Variants in NSDHL observed in about 807,000 individuals in gnomAD.
The protein encoded by NSDHL is NAD(P) dependent 3-beta-hydroxysteroid dehydrogenase NSDHL.
A neutral mutation model predicts 23.0 loss-of-function variants in NSDHL; 1 was observed. That is an observed-to-expected ratio of 0.04 (90% CI 0.02 to 0.21). NSDHL has a LOEUF of 0.21. Among genes scored for constraint, NSDHL ranks in the 10% least tolerant of loss-of-function variants. The pLI is 1.00. For missense variants in NSDHL, 237 were observed against 300.9 expected, an observed-to-expected ratio of 0.79 and a Z score of 1.57; for synonymous variants, 128 against 121.1, an observed-to-expected ratio of 1.06 and a Z score of -0.37.
At chrX:152,846,767 G>A (rs1556845652) in intron 2 of NSDHL, among the ~76,000 whole-genome samples, 1 of 112,205 alleles carries the variant, frequency 8.9e-6, no homozygotes, top group African/African-American at 3.2e-5. Flanking sequence ...ACCTCTGGTA[G>A]TAACTGGTGG....
At chrX:152,865,231 A>G (rs1183532727) in intron 5 of NSDHL, among the ~76,000 whole-genome samples, 1 of 111,820 alleles carries the variant, frequency 8.9e-6, no homozygotes, top group Non-Finnish European at 1.9e-5. Flanking sequence ...AGGACTTTAC[A>G]TGTCTCGGCC....
At chrX:152,865,791 A>G in intron 5 of NSDHL, 28 bp from the exon 6 acceptor site, 2 of 1,210,754 alleles carry the variant, frequency 1.7e-6, no homozygotes, top group East Asian at 3.0e-5. Flanking sequence ...TTTGCAATGG[A>G]CGTGCCCCTT....
rs139186585 is a variant in NSDHL at position 152,868,887 on chromosome X, G to T, written c.893G>T (p.Trp298Leu). The stretch of plus-strand genomic sequence containing the variant: ...GCCCCCAAGTACCACATCCCCTACT[G>T]GGTGGCCTACTACCTGGCCCTCCTG... ...YEAPKYHIPY[W>L]VAYYLALLLS... Residue 298 changes from tryptophan to leucine, a missense_variant, in exon 8 of 8, where the codon TGG becomes TTG. By Grantham distance (61) the Trp-to-Leu change is moderately conservative. Coordinates refer to ENST00000370274, the MANE Select transcript of NSDHL (RefSeq NM_015922.3). 274 of 1,209,732 alleles carry T rather than the reference G, an allele frequency of 2.3e-4. 2 individuals carry two copies. The African/African-American group carries it at 4.0e-3, about 18-fold the overall frequency.
intron 1 of NSDHL, among the ~76,000 whole-genome samples, chrX:152,841,445 C>G (rs1223307191): frequency 8.9e-6 from 1 of 112,457 alleles, no homozygotes; most frequent in Non-Finnish European, 1.9e-5. Flanking sequence ...TTGGAATGAA[C>G]TGAGTTCACA....
intron 1 of NSDHL, among the ~76,000 whole-genome samples, chrX:152,836,832 C>A (rs1345808187): frequency 8.9e-6 from 1 of 112,082 alleles, no homozygotes; most frequent in Non-Finnish European, 1.9e-5. Flanking sequence ...TTTTCCAATT[C>A]TGTGAAGAAA....
At chrX:152,836,172 G>C (rs1302015520) in intron 1 of NSDHL, among the ~76,000 whole-genome samples, 11 of 112,180 alleles carry the variant, frequency 9.8e-5, no homozygotes, top group African/African-American at 2.9e-4. Flanking sequence ...TTGTAAATTT[G>C]TTTAAGTTCT....
chrX:152,869,069 A>G lies in NSDHL; in HGVS notation c.1075A>G (p.Met359Val). ...GCCACTAGTGACCATGGATGATGCT[A>G]TGGAGAGGACCGTGCAGAGCTTTCG... ...YQPLVTMDDA[M>V]ERTVQSFRHL... Residue 359 changes from methionine to valine, a missense_variant, in exon 8 of 8, where the codon ATG becomes GTG. Around this residue, in one of 3 missense-constraint regions of NSDHL, gnomAD observed 117 missense variants for 99.5 expected, o/e 1.18. Transcript: ENST00000370274. 1 of 1,212,237 alleles carries G rather than the reference A, an allele frequency of 8.2e-7. No individual in the cohort carries two copies.
intron 1 of NSDHL, among the ~76,000 whole-genome samples, chrX:152,832,961 C>T (rs1003909731): frequency 5.4e-5 from 6 of 111,512 alleles, no homozygotes; most frequent in Non-Finnish European, 9.4e-5. Context: ...TCTCTCCCAC[C>T]GCTGAGCAGC....
At chrX:152,835,295 CT>C (rs200736261) in intron 1 of NSDHL, among the ~76,000 whole-genome samples, 107 of 101,137 alleles carry the variant, frequency 1.1e-3, no homozygotes, top group Admixed American at 1.5e-3. Flanking sequence ...TCACATCTCT[CT>C]TTTTTTTTTT....
At position 152,867,712 on chromosome X, in the gene NSDHL, C is replaced by T. The variant is rs782711540; in HGVS notation, c.789+39C>T. The T allele has an allele frequency of 5.2e-6, 5 of 965,072 alleles. No individual in the cohort carries two copies. The East Asian group carries it at 1.5e-4, about 30-fold the overall frequency. The allele number at this position is 965,072 out of a possible 1,213,427, so 79.5% of individuals were successfully genotyped here. On this transcript the variant is annotated intron_variant, in intron 7 of 7. Transcript: ENST00000370274. ...CACCGGTCCCTGCACAGGTGCCTTTCTGCGGGTTTCTTCTCCTTGCCATTG... is the reference window on the plus strand; with the variant it reads ...CACCGGTCCCTGCACAGGTGCCTTTTTGCGGGTTTCTTCTCCTTGCCATTG...
Position 152,869,210 on chromosome X carries a change from C to T in NSDHL, c.*94C>T. 1 of 775,747 alleles carries T rather than the reference C, an allele frequency of 1.3e-6. No individual in the cohort carries two copies. Among genetic ancestry groups the T allele is most frequent in the African/African-American group, 2.0e-5 (1 of 49,038 alleles). The allele number at this position is 775,747 out of a possible 1,213,427, so 63.9% of individuals were successfully genotyped here. ...AAATAACATCCTTTGAATGAGTTTG[C>T]TCTGAGCCTGTGACTCCTTCTGCTA... On this transcript the variant is annotated 3_prime_UTR_variant, in exon 8 of 8. Transcript: ENST00000370274.
In NSDHL at chrX:152,867,607, G is replaced by C; in HGVS notation, c.723G>C (p.Glu241Asp). 8.3e-7 allele frequency: 1 copy of C among 1,210,628 alleles called. No homozygotes were observed. Among genetic ancestry groups the C allele is most frequent in the Non-Finnish European group, 1.1e-6 (1 of 894,225 alleles). ...GKNLVDFTFVENVVHGHILAA... is the reference protein window; with the variant it reads ...GKNLVDFTFVDNVVHGHILAA... ...ACTTGGTGGACTTCACCTTTGTGGA[G>C]AACGTGGTCCATGGACACATCCTGG... Residue 241 changes from glutamate to aspartate, a missense_variant, in exon 7 of 8, where the codon GAG becomes GAC. Glu to Asp is a conservative substitution (Grantham distance 45). Coordinates refer to ENST00000370274, the MANE Select transcript of NSDHL (RefSeq NM_015922.3).
rs104894904 is a variant in NSDHL at position 152,865,819 on chromosome X, G to A, written c.544G>A (p.Ala182Thr). Residue 182 changes from alanine (A) to threonine (T), a missense_variant and splice_region_variant, in exon 6 of 8, where the codon GCA becomes ACA. Transcript: ENST00000370274. ...TGCCCCTTCTCCCACTCTCCTCCAG[G>A]CAGTTCTGGGCGCCAACGATCCTGA... ...YTETKILQER[A>T]VLGANDPEKN... The A allele has an allele frequency of 8.3e-7, 1 of 1,211,351 alleles. No homozygotes were observed. The highest frequency in any genetic ancestry group is 1.8e-5 in the South Asian group (1 of 56,946).
chrX:152,868,559 C>T (rs190739081), intron 7 of NSDHL, among the ~76,000 whole-genome samples: 1 of 112,668 alleles, frequency 8.9e-6, no homozygotes, highest in East Asian at 2.8e-4. Context: ...AACAAATGTG[C>T]CTTTCCAAGT....
At chrX:152,859,899 C>T (rs933075843) in intron 4 of NSDHL, among the ~76,000 whole-genome samples, 1 of 112,220 alleles carries the variant, frequency 8.9e-6, no homozygotes, top group Admixed American at 9.4e-5. Flanking sequence ...TGAGGGGATA[C>T]GAATTTTCTG....
intron 3 of NSDHL, 85 bp downstream of exon 3, chrX:152,850,508 T>C: frequency 1.0e-6 from 1 of 967,469 alleles, no homozygotes; most frequent in Non-Finnish European, 1.5e-6. Flanking sequence ...GCCAGCCAAT[T>C]TGTTTGAAAA....
At chrX:152,848,316 C>G (rs1004335040) in intron 2 of NSDHL, among the ~76,000 whole-genome samples, 1 of 111,835 alleles carries the variant, frequency 8.9e-6, no homozygotes, top group Non-Finnish European at 1.9e-5. Flanking sequence ...AAAAAGTGGT[C>G]ATGAAAAGTT....
intron 3 of NSDHL, among the ~76,000 whole-genome samples, chrX:152,857,841 G>A (rs1556847102): frequency 1.8e-5 from 2 of 111,235 alleles, no homozygotes; most frequent in African/African-American, 6.6e-5. Flanking sequence ...CAACTTACTT[G>A]ACTGGTTTCA....
intron 2 of NSDHL, among the ~76,000 whole-genome samples, chrX:152,846,996 C>T (rs868991843): frequency 1.3e-4 from 15 of 112,455 alleles, no homozygotes; most frequent in East Asian, 2.8e-4. Flanking sequence ...GATTCTTAAT[C>T]AGTGCTGCAC....
Sources: allele counts gnomAD v4.1 joint callset (sites outside exome capture counted in the v4.1 genomes callset), GRCh38; gene constraint gnomAD v4.1.1; regional missense constraint gnomAD v4.1.1; transcripts MANE v1.5; gene names NCBI Gene and HGNC (gene_info 2026-07-23, HGNC 2026-07-21).